SH3GL1: variants seen among roughly 807,000 people sequenced by gnomAD.
SH3GL1 encodes endophilin-A2.
Under a neutral mutation model 48.8 loss-of-function variants are expected in SH3GL1, and 21 were observed. The ratio of observed to expected loss-of-function variants is 0.43; its 90% CI spans 0.30 to 0.62. The LOEUF (loss-of-function observed/expected upper bound fraction) is 0.62. Among genes scored for constraint, SH3GL1 ranks in the 20% least tolerant of loss-of-function variants. The pLI is 0.11. For missense variants in SH3GL1, 454 were observed against 503.0 expected (o/e 0.90, Z 0.93); for synonymous variants, 282 against 217.5 (o/e 1.30, Z -2.61).
intron 1 of SH3GL1, among the ~76,000 whole-genome samples, chr19:4,377,348 T>C (rs1568414856): frequency 6.6e-6 from 1 of 152,216 alleles, no homozygotes; most frequent in Non-Finnish European, 1.5e-5. Context: ...TGAGGTTCTC[T>C]ACAGAATGCG....
chr19:4,377,853 C>G (rs972866368), intron 1 of SH3GL1, among the ~76,000 whole-genome samples: 4 of 152,220 alleles, frequency 2.6e-5, no homozygotes, highest in Non-Finnish European at 4.4e-5. Flanking sequence ...GTCCCCCCAC[C>G]ATCTCCCCTG....
intron 1 of SH3GL1, among the ~76,000 whole-genome samples, chr19:4,398,973 G>A (rs934132790): frequency 6.6e-6 from 1 of 152,028 alleles, no homozygotes; most frequent in African/African-American, 2.4e-5. Flanking sequence ...ACTGACAACT[G>A]GTTAAATAAA....
intron 1 of SH3GL1, among the ~76,000 whole-genome samples, chr19:4,396,401 A>AAAAC (rs932126482): frequency 2.6e-5 from 4 of 152,194 alleles, no homozygotes; most frequent in African/African-American, 4.8e-5. Flanking sequence ...CTCCGTCTCA[A>AAAAC]AAACAAACAA....
chr19:4,369,920 A>T (rs1370230169), intron 1 of SH3GL1, among the ~76,000 whole-genome samples: 2 of 152,234 alleles, frequency 1.3e-5, no homozygotes, highest in African/African-American at 4.8e-5. Context: ...ATGAGCAGCC[A>T]CAAGGGAAAC....
In SH3GL1 at chr19:4,400,277, G is replaced by C. The variant is rs761863744; in HGVS notation, c.45+47C>G. 1.0e-5 allele frequency: 16 copies of C among 1,578,852 alleles called. No homozygotes were observed. In the African/African-American group the frequency reaches 1.7e-4, roughly 17 times the overall value. ...AGGTCGGGCCTGGCTCCCTCATCCG[G>C]GCAGCCCGGGGCCCGGTACTCGGCT... On this transcript the variant is annotated intron_variant, in intron 1 of 9. Transcript: ENST00000269886. This position sits in a 1 kb window ranked among gnomAD's most constrained non-coding sequence, Gnocchi z 4.1.
rs913667734 is a variant in SH3GL1, at chr19:4,363,575, G to A, written c.625-102C>T. ...ACAGGAGGCAAGGGGGCTGAGAGGGGACAGGGGACTGGGGCCCATACCCTC... is the reference window on the plus strand; with the variant it reads ...ACAGGAGGCAAGGGGGCTGAGAGGGAACAGGGGACTGGGGCCCATACCCTC... On this transcript the variant is annotated intron_variant, in intron 6 of 9. Transcript: ENST00000269886. 7.7e-6 allele frequency: 11 copies of A among 1,419,592 alleles called. No homozygotes were observed. The African/African-American group carries it at 9.9e-5, about 13-fold the overall frequency. 87.9% of individuals were successfully genotyped at this position (1,419,592 alleles called of 1,614,324 possible).
intron 1 of SH3GL1, among the ~76,000 whole-genome samples, chr19:4,382,225 A>C: frequency 6.8e-6 from 1 of 146,540 alleles, no homozygotes; most frequent in Non-Finnish European, 1.5e-5. Context: ...GCTCCCTGTG[A>C]CCACAGCAGG....
chr19:4,377,556 G>GGGCA (rs1379087896), intron 1 of SH3GL1, among the ~76,000 whole-genome samples: 2 of 152,230 alleles, frequency 1.3e-5, no homozygotes, highest in African/African-American at 4.8e-5. Flanking sequence ...GGGTGGCACG[G>GGGCA]GGCAGGGCAG....
At chr19:4,381,908 T>C (rs1015966673) in intron 1 of SH3GL1, among the ~76,000 whole-genome samples, 15 of 151,812 alleles carry the variant, frequency 9.9e-5, no homozygotes, top group African/African-American at 3.6e-4. Context: ...TTAGCCAGGA[T>C]GGTCTCGATG....
intron 4 of SH3GL1, chr19:4,364,439 T>C (rs1169196941): frequency 3.5e-6 from 2 of 576,146 alleles, no homozygotes; most frequent in Non-Finnish European, 6.2e-6. Context: ...CTGGATCCTT[T>C]CCAACTTCTT....
chr19:4,370,093 G>A (rs1013762212), intron 1 of SH3GL1, among the ~76,000 whole-genome samples: 1 of 152,378 alleles, frequency 6.6e-6, no homozygotes, highest in Non-Finnish European at 1.5e-5. Flanking sequence ...GGGCGCCACG[G>A]GGAGGCTCAC....
Position 4,364,122 on chromosome 19 carries a change from T to G in SH3GL1, c.431A>C (p.Gln144Pro). The G allele has an allele frequency of 6.2e-7, 1 of 1,613,698 alleles. No individual in the cohort carries two copies. The highest frequency in any genetic ancestry group is 8.5e-7 in the Non-Finnish European group (1 of 1,180,014). ...EVKQNFIDPL[Q>P]NLCEKDLKEI... ...CTTCAGGTCTTTCTCGCACAGGTTCTGGAGGGGGTCAATGAAGTTCTGCTT... is the reference window on the plus strand; with the variant it reads ...CTTCAGGTCTTTCTCGCACAGGTTCGGGAGGGGGTCAATGAAGTTCTGCTT... Residue 144 changes from glutamine (Q) to proline (P), a missense_variant, in exon 5 of 10, where the codon CAG (glutamine) becomes CCG (proline). Gln to Pro is a moderately conservative substitution (Grantham distance 76). This residue lies in a region of SH3GL1 where 176 missense variants were observed against 256.2 expected (regional missense o/e 0.69). Coordinates refer to ENST00000269886, the MANE Select transcript of SH3GL1 (RefSeq NM_003025.4).
chr19:4,361,280 G>T lies in SH3GL1; in HGVS notation c.*320C>A. 1 of 426,016 alleles carries T rather than the reference G, an allele frequency of 2.3e-6. No homozygotes were observed. The highest frequency in any genetic ancestry group is 3.9e-5 in the Admixed American group (1 of 25,356). The allele number at this position is 426,016 out of a possible 1,614,324, so 26.4% of individuals were successfully genotyped here. A position where few individuals can be genotyped will look rare whatever the true frequency, so the allele number is the denominator to read the frequency against. On this transcript the variant is annotated 3_prime_UTR_variant, in exon 10 of 10. Coordinates refer to ENST00000269886, the MANE Select transcript of SH3GL1 (RefSeq NM_003025.4). ...CCCAGAGGAACATTAGTGTTTCTAA[G>T]AGCACCTTAGTGTTGCCCCGCCTCG...
At chr19:4,362,869 G>A (rs1972662318) in intron 7 of SH3GL1, 133 bp from the exon 8 acceptor site, 2 of 1,388,616 alleles carry the variant, frequency 1.4e-6, no homozygotes, top group South Asian at 1.2e-5. Context: ...TGTGACACAT[G>A]GACCCTGGGA....
At chr19:4,398,791 A>C (rs917332315) in intron 1 of SH3GL1, among the ~76,000 whole-genome samples, 14 of 151,986 alleles carry the variant, frequency 9.2e-5, no homozygotes, top group Non-Finnish European at 1.5e-4. Context: ...TGGAGTTTCC[A>C]AAAAAAACCC....
At chr19:4,377,532 C>T (rs1973033504) in intron 1 of SH3GL1, among the ~76,000 whole-genome samples, 1 of 152,198 alleles carries the variant, frequency 6.6e-6, no homozygotes, top group Admixed American at 6.5e-5. Flanking sequence ...AGCACCCAGG[C>T]CAGAAGTCAT....
At chr19:4,392,074 C>T (rs1197789251) in intron 1 of SH3GL1, among the ~76,000 whole-genome samples, 1 of 152,214 alleles carries the variant, frequency 6.6e-6, no homozygotes, top group Non-Finnish European at 1.5e-5. Flanking sequence ...CAGCCTGCAG[C>T]TGCTGGACTC....
intron 1 of SH3GL1, among the ~76,000 whole-genome samples, chr19:4,391,906 C>T (rs905329152): frequency 5.9e-5 from 9 of 152,240 alleles, no homozygotes; most frequent in African/African-American, 2.2e-4. Flanking sequence ...CCTCAAGGCA[C>T]ACACCAGTAC....
At chr19:4,387,832 C>G (rs542959163) in intron 1 of SH3GL1, among the ~76,000 whole-genome samples, 1 of 152,216 alleles carries the variant, frequency 6.6e-6, no homozygotes, top group South Asian at 2.1e-4. Context: ...TACAGATATG[C>G]ATTACTACGC....
Sources: gnomAD v4.1 joint callset for allele counts (sites outside exome capture counted in the v4.1 genomes callset) on GRCh38, gnomAD v4.1.1 for gene constraint, gnomAD v4.1.1 regional missense constraint, Gnocchi (gnomAD v3.1) non-coding constraint, MANE v1.5 for transcripts, NCBI Gene and HGNC (gene_info 2026-07-23, HGNC 2026-07-21) for gene names.